Variants in PLCXD3 observed in about 807,000 individuals in gnomAD.
The protein encoded by PLCXD3 is PI-PLC X domain-containing protein 3.
In PLCXD3, 19 loss-of-function variants were observed where a neutral mutation model predicts 25.5. That is an observed-to-expected ratio of 0.75 (90% confidence interval 0.52 to 1.09). The LOEUF is 1.09. Ranked by LOEUF, PLCXD3 falls within the 50% of genes least tolerant of loss-of-function variation. PLCXD3 has a pLI of 0.00. For missense variants in PLCXD3, 411 were observed against 388.1 expected (o/e 1.06, Z -0.50); for synonymous variants, 174 against 137.6 (o/e 1.26, Z -1.85).
In PLCXD3 at chr5:41,405,789, TTTTG is replaced by T. The variant is rs1298505375; in HGVS notation, c.104-23259_104-23256del. On this transcript the variant is annotated intron_variant, in intron 1 of 2. Coordinates refer to ENST00000377801, the MANE Select transcript of PLCXD3 (RefSeq NM_001005473.3). ...TATTTGTTTGTTTTGTTTTGTTTTG[TTTTG>T]TTTACCATTTCCATTCAAATTCTCA... 3.3e-5 allele frequency among the ~76,000 whole-genome samples: 5 copies of T among 151,242 alleles called. No individual in the cohort carries two copies. In the East Asian group the frequency reaches 5.9e-4, roughly 18 times the overall value.
chr5:41,397,249 T>C (rs1289697571), intron 1 of PLCXD3, among the ~76,000 whole-genome samples: 2 of 152,168 alleles, frequency 1.3e-5, no homozygotes, highest in African/African-American at 4.8e-5. Context: ...GCACAGGGCC[T>C]TGCTGCTCTG....
chr5:41,478,668 G>T (rs531069619), intron 1 of PLCXD3, among the ~76,000 whole-genome samples: 1 of 152,262 alleles, frequency 6.6e-6, no homozygotes, highest in South Asian at 2.1e-4. Flanking sequence ...TCAGCTAATG[G>T]AAAACAAACA....
chr5:41,329,961 T>G (rs59665791), intron 2 of PLCXD3, among the ~76,000 whole-genome samples: 5,525 of 151,982 alleles, frequency 0.036, 343 homozygotes, highest in African/African-American at 0.13. Flanking sequence ...TTGTATTTCA[T>G]ATATGCTACT....
intron 1 of PLCXD3, among the ~76,000 whole-genome samples, chr5:41,446,496 G>C (rs1194246535): frequency 6.6e-6 from 1 of 150,996 alleles, no homozygotes; most frequent in Non-Finnish European, 1.5e-5. Flanking sequence ...GGCAAATGTA[G>C]CCTATGTAAA....
At chr5:41,457,527 C>G (rs1747779784) in intron 1 of PLCXD3, among the ~76,000 whole-genome samples, 1 of 151,890 alleles carries the variant, frequency 6.6e-6, no homozygotes, top group Non-Finnish European at 1.5e-5. Context: ...AGATGCATAG[C>G]CCACTGCTGA....
At chr5:41,498,750 C>A (rs1468741151) in intron 1 of PLCXD3, among the ~76,000 whole-genome samples, 2 of 151,666 alleles carry the variant, frequency 1.3e-5, no homozygotes, top group Non-Finnish European at 3.0e-5. Flanking sequence ...ATGAATAAAT[C>A]CTCAATAAAA....
chr5:41,496,474 G>A (rs1350399000), intron 1 of PLCXD3, among the ~76,000 whole-genome samples: 1 of 151,748 alleles, frequency 6.6e-6, no homozygotes, highest in Admixed American at 6.6e-5. Flanking sequence ...AAAGTGACTA[G>A]TCACATACAA....
intron 2 of PLCXD3, among the ~76,000 whole-genome samples, chr5:41,323,033 C>T (rs1289075064): frequency 1.3e-5 from 2 of 150,816 alleles, no homozygotes; most frequent in Non-Finnish European, 3.0e-5. Context: ...GAGTACTATA[C>T]AGCCATAGAA....
chr5:41,432,099 C>T (rs1426025714), intron 1 of PLCXD3, among the ~76,000 whole-genome samples: 2 of 152,118 alleles, frequency 1.3e-5, no homozygotes, highest in African/African-American at 4.8e-5. Context: ...CTAATGTCCA[C>T]GACAAGGGAC....
chr5:41,325,500 C>A (rs1235630247), intron 2 of PLCXD3, among the ~76,000 whole-genome samples: 1 of 152,196 alleles, frequency 6.6e-6, no homozygotes, highest in African/African-American at 2.4e-5. Context: ...TTGTCCTCCT[C>A]CTCCATGAAA....
intron 1 of PLCXD3, among the ~76,000 whole-genome samples, chr5:41,409,573 T>C (rs1449166725): frequency 2.0e-5 from 3 of 152,218 alleles, no homozygotes; most frequent in African/African-American, 7.2e-5. Context: ...GATATTTTCT[T>C]CATAGAGTTT....
intron 2 of PLCXD3, among the ~76,000 whole-genome samples, chr5:41,370,272 A>G (rs1265687314): frequency 6.6e-6 from 1 of 152,226 alleles, no homozygotes; most frequent in African/African-American, 2.4e-5. Context: ...ATACAGAGCA[A>G]GAGCCAGAAG....
At chr5:41,467,945 G>A (rs1748061158) in intron 1 of PLCXD3, among the ~76,000 whole-genome samples, 1 of 141,086 alleles carries the variant, frequency 7.1e-6, no homozygotes, top group African/African-American at 2.6e-5. Context: ...GCAACATGAT[G>A]TTTTGATTAC....
chr5:41,477,283 A>G (rs1339833417), intron 1 of PLCXD3, among the ~76,000 whole-genome samples: 2 of 152,176 alleles, frequency 1.3e-5, no homozygotes, highest in Admixed American at 1.3e-4. Flanking sequence ...ATTTACTTTT[A>G]TCTTCTAGTA....
At chr5:41,349,646 G>A (rs560445065) in intron 2 of PLCXD3, among the ~76,000 whole-genome samples, 108 of 152,256 alleles carry the variant, frequency 7.1e-4, no homozygotes, top group African/African-American at 2.5e-3. Flanking sequence ...TAAAGCAGAG[G>A]TTCTTGTACT....
At chr5:41,437,355 A>C (rs1456810978) in intron 1 of PLCXD3, among the ~76,000 whole-genome samples, 8 of 152,250 alleles carry the variant, frequency 5.3e-5, no homozygotes, top group Admixed American at 4.6e-4. Context: ...TAGCAAGTAA[A>C]CACTGAAAGT....
intron 1 of PLCXD3, among the ~76,000 whole-genome samples, chr5:41,463,875 T>C (rs1747950115): frequency 7.1e-6 from 1 of 141,244 alleles, no homozygotes; most frequent in Non-Finnish European, 1.6e-5. Flanking sequence ...ACCTTTCCTC[T>C]TTGAAAACTT....
chr5:41,426,926 T>C lies in PLCXD3; in HGVS notation c.104-44392A>G, dbSNP rs191396681. ...AGAATTCTAGAATGACTATTATTGG[T>C]ATCAGTATTTCACAGGTATATTTTA... On this transcript the variant is annotated intron_variant, in intron 1 of 2. Coordinates refer to ENST00000377801, the MANE Select transcript of PLCXD3 (RefSeq NM_001005473.3). 9.5e-4 allele frequency among the ~76,000 whole-genome samples: 145 copies of C among 152,292 alleles called. 1 individual carries two copies. The highest frequency in any genetic ancestry group is 3.4e-3 in the Middle Eastern group (1 of 294).
chr5:41,422,870 G>A (rs1297726957), intron 1 of PLCXD3, among the ~76,000 whole-genome samples: 4 of 152,036 alleles, frequency 2.6e-5, no homozygotes, highest in Non-Finnish European at 4.4e-5. Flanking sequence ...ATAAAAACAG[G>A]CATCTTTGCC....
Sources: gnomAD v4.1 joint callset for allele counts (sites outside exome capture counted in the v4.1 genomes callset) on GRCh38, gnomAD v4.1.1 for gene constraint, MANE v1.5 for transcripts, NCBI Gene and HGNC (gene_info 2026-07-23, HGNC 2026-07-21) for gene names.